Variants in OTC observed in about 807,000 individuals in gnomAD.
OTC encodes the protein ornithine transcarbamylase.
In OTC, 3 loss-of-function variants were observed where a neutral mutation model predicts 30.3. The ratio of observed to expected loss-of-function variants is 0.10; its 90% CI spans 0.05 to 0.26. The LOEUF (loss-of-function observed/expected upper bound fraction) is 0.26. Among genes scored for constraint, OTC ranks in the 10% least tolerant of loss-of-function variants. The pLI is 1.00. For synonymous variants in OTC, 111 were observed against 99.7 expected, an observed-to-expected ratio of 1.11 and a Z score of -0.67; for missense variants, 194 against 260.3, an observed-to-expected ratio of 0.75 and a Z score of 1.75.
At position 38,400,960 on chromosome X, in the gene OTC, T is replaced by C. The variant is rs745719816; in HGVS notation, c.387-315T>C. Among the ~76,000 whole-genome samples the C allele has an allele frequency of 3.6e-5, 4 of 112,628 alleles. No homozygotes were observed. In the East Asian group the frequency reaches 1.1e-3, roughly 32 times the overall value. On this transcript the variant is annotated intron_variant, in intron 4 of 9. Transcript: ENST00000039007. The stretch of plus-strand genomic sequence containing the variant: ...GGTCATTAATGTTTCTCCGTATATC[T>C]TGCTTTTGGTCTTGTCCCTTTTAAC...
At chrX:38,383,287 T>C (rs1393729512) in intron 4 of OTC, among the ~76,000 whole-genome samples, 1 of 112,079 alleles carries the variant, frequency 8.9e-6, no homozygotes, top group African/African-American at 3.2e-5. Flanking sequence ...CCTCTTGTGC[T>C]ATTATCTCTA....
chrX:38,372,571 A>G (rs991539074), intron 3 of OTC, among the ~76,000 whole-genome samples: 1 of 112,267 alleles, frequency 8.9e-6, no homozygotes. Flanking sequence ...CCAAATCGTA[A>G]ATAATAACAA....
chrX:38,416,047 C>T (rs988398361), intron 9 of OTC, among the ~76,000 whole-genome samples: 1 of 111,755 alleles, frequency 8.9e-6, no homozygotes, highest in Non-Finnish European at 1.9e-5. Flanking sequence ...GAATAATTTC[C>T]ACGCATGCAA....
At position 38,353,038 on chromosome X, in the gene OTC, C is replaced by T. The variant is rs768320472; in HGVS notation, c.77+265C>T. Among the ~76,000 whole-genome samples, 9 of 111,802 alleles carry T rather than the reference C, an allele frequency of 8.0e-5. No homozygotes were observed. The South Asian group carries it at 2.6e-3, about 33-fold the overall frequency. On this transcript the variant is annotated intron_variant, in intron 1 of 9. Coordinates refer to ENST00000039007, the MANE Select transcript of OTC (RefSeq NM_000531.6). ...ATCTTTCGTTTGTGTACATTCTAAA[C>T]GAGCAAGTGGCTGAAGGAAATTAGG...
chrX:38,378,675 T>C (rs1053533585), intron 3 of OTC, among the ~76,000 whole-genome samples: 7 of 112,349 alleles, frequency 6.2e-5, no homozygotes. Flanking sequence ...AATCATACAG[T>C]GAGGCCAGGA....
chrX:38,401,175 C>A, intron 4 of OTC, 100 bp from the exon 5 acceptor site: 1 of 654,629 alleles, frequency 1.5e-6, no homozygotes. Context: ...AGTAAAAATT[C>A]TATTTATTAG....
chrX:38,374,826 A>AT (rs1175350703), intron 3 of OTC, among the ~76,000 whole-genome samples: 6 of 111,829 alleles, frequency 5.4e-5, no homozygotes, highest in Non-Finnish European at 3.8e-5. Context: ...ACAATAAATA[A>AT]TTTTTTGACG....
chrX:38,390,196 T>C (rs2147335308), intron 4 of OTC, among the ~76,000 whole-genome samples: 1 of 112,318 alleles, frequency 8.9e-6, no homozygotes, highest in East Asian at 2.8e-4. Flanking sequence ...TCTGGCTTCT[T>C]CCAACACCAG....
the OTC span, among the ~76,000 whole-genome samples, chrX:38,328,578 C>A: frequency 8.9e-6 from 1 of 111,816 alleles, no homozygotes; most frequent in East Asian, 2.8e-4. Context: ...GAGCTTGACT[C>A]TTTCCAGGAA....
intron 9 of OTC, among the ~76,000 whole-genome samples, chrX:38,413,957 A>G (rs2068557031): frequency 9.0e-6 from 1 of 110,510 alleles, no homozygotes; most frequent in Non-Finnish European, 1.9e-5. Context: ...TACAGGCGTG[A>G]GCCACCGTGC....
In OTC at chrX:38,352,610, T is replaced by G. The variant is rs909619241; in HGVS notation, c.-87T>G. On this transcript the variant is annotated 5_prime_UTR_variant, in exon 1 of 10. Transcript: ENST00000039007. ...TGCTCCCTCACTGCAACTGAACACA[T>G]TTCTTAGTTTTTAGGTGGCCCCCGC... 1 of 677,414 alleles carries G rather than the reference T, an allele frequency of 1.5e-6. No homozygotes were observed. The highest frequency in any genetic ancestry group is 2.2e-5 in the South Asian group (1 of 45,161). The allele number at this position is 677,414 out of a possible 1,213,427, so 55.8% of individuals were successfully genotyped here.
Position 38,352,643 on chromosome X carries a change from C to A in OTC, c.-54C>A. The A allele has an allele frequency of 4.1e-6, 4 of 981,663 alleles. No individual in the cohort carries two copies. The highest frequency in any genetic ancestry group is 2.2e-5 in the Admixed American group (1 of 45,641). The allele number at this position is 981,663 out of a possible 1,213,427, so 80.9% of individuals were successfully genotyped here. A position where few individuals can be genotyped will look rare whatever the true frequency, so the allele number is the denominator to read the frequency against. On this transcript the variant is annotated 5_prime_UTR_variant, in exon 1 of 10. Coordinates refer to ENST00000039007, the MANE Select transcript of OTC (RefSeq NM_000531.6). Reference sequence around the variant, plus strand: ...TTTTTAGGTGGCCCCCGCTGGCTAACTTGCTGTGGAGTTTTCAAGGGCATA... The same window carrying A: ...TTTTTAGGTGGCCCCCGCTGGCTAAATTGCTGTGGAGTTTTCAAGGGCATA...
chrX:38,385,025 G>A (rs1401365182), intron 4 of OTC, among the ~76,000 whole-genome samples: 1 of 111,506 alleles, frequency 9.0e-6, no homozygotes, highest in Non-Finnish European at 1.9e-5. Context: ...AGCACTTTGG[G>A]AAGCCGAGGG....
intron 6 of OTC, among the ~76,000 whole-genome samples, chrX:38,406,539 G>T (rs1569280374): frequency 9.0e-6 from 1 of 111,642 alleles, no homozygotes; most frequent in African/African-American, 3.3e-5. Context: ...TCATGCCTCA[G>T]TGCATGCAAG....
At chrX:38,384,762 A>C (rs1484508653) in intron 4 of OTC, among the ~76,000 whole-genome samples, 1 of 111,178 alleles carries the variant, frequency 9.0e-6, no homozygotes, top group Admixed American at 9.6e-5. Flanking sequence ...CACATTGTTG[A>C]AAGAAGAGCC....
At chrX:38,329,924 C>T in the OTC span, among the ~76,000 whole-genome samples, 1 of 111,910 alleles carries the variant, frequency 8.9e-6, no homozygotes, top group East Asian at 2.8e-4. Flanking sequence ...TGTGCTAGGG[C>T]CTGCTCCCAC....
At chrX:38,337,808 T>G in the OTC span, among the ~76,000 whole-genome samples, 1 of 111,671 alleles carries the variant, frequency 9.0e-6, no homozygotes, top group Admixed American at 9.6e-5. Context: ...GGCTTTTGAC[T>G]TTGTTATTGC....
At chrX:38,330,147 A>G in the OTC span, among the ~76,000 whole-genome samples, 321 of 111,902 alleles carry the variant, frequency 2.9e-3, 1 homozygote, top group Non-Finnish European at 4.7e-3. Context: ...AGATGTGAAG[A>G]TGCAGGAGTG....
chrX:38,421,831 A>T (rs1186795370), downstream of OTC, among the ~76,000 whole-genome samples: 1 of 111,476 alleles, frequency 9.0e-6, no homozygotes, highest in Non-Finnish European at 1.9e-5. Context: ...GAATAATTTA[A>T]TTTTTTTCAC....
Sources: gnomAD v4.1 joint callset for allele counts (sites outside exome capture counted in the v4.1 genomes callset) on GRCh38, gnomAD v4.1.1 for gene constraint, MANE v1.5 for transcripts, NCBI Gene and HGNC (gene_info 2026-07-23, HGNC 2026-07-21) for gene names.